Variants in ERBIN observed in about 807,000 individuals in gnomAD.
ERBIN encodes erbb2 interacting protein, also known as densin-180-like protein.
Under a neutral mutation model 158.4 loss-of-function variants are expected in ERBIN, and 60 were observed. The observed-to-expected ratio is 0.38, with a 90% CI of 0.31 to 0.47. The LOEUF is 0.47. Among genes scored for constraint, ERBIN ranks in the 20% least tolerant of loss-of-function variants. The probability of loss-of-function intolerance (pLI) is 0.99; values close to 1 mark genes in which losing one functional copy is unlikely to be tolerated. For missense variants in ERBIN, 1,610 were observed against 1,648.0 expected (o/e 0.98, Z 0.40); for synonymous variants, 594 against 557.2 (o/e 1.07, Z -0.93).
At position 66,070,684 on chromosome 5, in the gene ERBIN, A is replaced by G. The variant is rs1365001225; in HGVS notation, c.3634-1485A>G. ...TTATGTATTCTAAAAGCACATCTCA[A>G]AAAGGGAGAAGGAAAATAAAGTATT... On this transcript the variant is annotated intron_variant, in intron 21 of 25. Transcript: ENST00000284037. Among the ~76,000 whole-genome samples the G allele has an allele frequency of 5.9e-5, 9 of 152,330 alleles. No individual in the cohort carries two copies. The South Asian group carries it at 6.2e-4, about 11-fold the overall frequency.
intron 4 of ERBIN, among the ~76,000 whole-genome samples, chr5:66,004,716 T>G (rs1409900129): frequency 6.6e-6 from 1 of 152,336 alleles, no homozygotes; most frequent in East Asian, 1.9e-4. Context: ...GTGTACTTTA[T>G]CTGTAAGGAT....
chr5:66,001,020 A>G (rs969811309), intron 4 of ERBIN, among the ~76,000 whole-genome samples: 2 of 152,174 alleles, frequency 1.3e-5, no homozygotes, highest in African/African-American at 2.4e-5. Context: ...AAAAAAATTA[A>G]TAAAGCACAC....
chr5:66,046,083 T>G (rs1390726080), intron 17 of ERBIN, among the ~76,000 whole-genome samples: 1 of 150,074 alleles, frequency 6.7e-6, no homozygotes, highest in Non-Finnish European at 1.5e-5. Context: ...GACTCAGTTG[T>G]CCACACTTAC....
intron 1 of ERBIN, among the ~76,000 whole-genome samples, chr5:65,938,452 C>T (rs1417026773): frequency 6.6e-6 from 1 of 150,864 alleles, no homozygotes; most frequent in East Asian, 1.9e-4. Flanking sequence ...CTCACTGCAG[C>T]CTTGACCTCC....
At chr5:65,974,154 A>G (rs1427868076) in intron 1 of ERBIN, among the ~76,000 whole-genome samples, 1 of 151,598 alleles carries the variant, frequency 6.6e-6, no homozygotes, top group Non-Finnish European at 1.5e-5. Flanking sequence ...TGGGCCATGG[A>G]GTTTTATTGC....
chr5:66,051,972 A>C (rs929065799), intron 20 of ERBIN, among the ~76,000 whole-genome samples: 1 of 151,616 alleles, frequency 6.6e-6, no homozygotes, highest in African/African-American at 2.4e-5. Flanking sequence ...TGGGAGGCTA[A>C]GATGATAGAT....
In ERBIN at chr5:66,075,116, G is replaced by T; in HGVS notation, c.3849G>T (p.Arg1283Ser). Residue 1283 changes from arginine (R) to serine (S), a missense_variant, in exon 23 of 26, where the codon AGG becomes AGT. Coordinates refer to ENST00000284037, the MANE Select transcript of ERBIN (RefSeq NM_001253697.2). ...IHHPPQASVARHPSREQLIDY... is the reference protein window; with the variant it reads ...IHHPPQASVASHPSREQLIDY... ...ACCCCCCTCAGGCATCTGTGGCAAG[G>T]CATCCCTCTAGAGAACAACTAATTG... 1 of 1,614,106 alleles carries T rather than the reference G, an allele frequency of 6.2e-7. No individual in the cohort carries two copies. Among genetic ancestry groups the T allele is most frequent in the Non-Finnish European group, 8.5e-7 (1 of 1,180,016 alleles).
intron 1 of ERBIN, among the ~76,000 whole-genome samples, chr5:65,932,196 C>T (rs1034523031): frequency 2.0e-5 from 3 of 151,112 alleles, no homozygotes; most frequent in Admixed American, 1.3e-4. Flanking sequence ...AAAATTAGCT[C>T]GGTGTGGTCA....
chr5:66,051,145 A>T (rs2151228647), intron 20 of ERBIN, among the ~76,000 whole-genome samples, 179 bp downstream of exon 20: 1 of 152,198 alleles, frequency 6.6e-6, no homozygotes, highest in South Asian at 2.1e-4. Context: ...TTCCATCTTA[A>T]ATTAGATTTT....
intron 1 of ERBIN, among the ~76,000 whole-genome samples, chr5:65,942,217 A>C (rs1293134261): frequency 1.3e-5 from 2 of 152,200 alleles, no homozygotes; most frequent in African/African-American, 4.8e-5. Context: ...TGGAGAAGTG[A>C]AATGTGGAGG....
intron 4 of ERBIN, among the ~76,000 whole-genome samples, chr5:66,006,639 A>C (rs1011590802): frequency 6.6e-6 from 1 of 152,168 alleles, no homozygotes. Context: ...TTTGCAATCT[A>C]CTTATCTGAC....
At position 66,065,647 on chromosome 5, in the gene ERBIN, GTGTGTGTGTGTGTT is replaced by G. The variant is rs1222751520; in HGVS notation, c.3634-6520_3634-6507del. ...TGTGTGTGTGTGTGTGTGTGTGTGT[GTGTGTGTGTGTGTT>G]TTGCTTTGTATGTGAACCAGCATCC... is the stretch of plus-strand genomic sequence containing the variant. On this transcript the variant is annotated intron_variant, in intron 21 of 25. Coordinates refer to ENST00000284037, the MANE Select transcript of ERBIN (RefSeq NM_001253697.2). 4.3e-5 allele frequency among the ~76,000 whole-genome samples: 4 copies of G among 93,052 alleles called. No homozygotes were observed. In the East Asian group the frequency reaches 1.1e-3, roughly 26 times the overall value. 61.0% of individuals were successfully genotyped at this position (93,052 alleles called of 152,430 possible). A position where few individuals can be genotyped will look rare whatever the true frequency, so the allele number is the denominator to read the frequency against.
intron 22 of ERBIN, among the ~76,000 whole-genome samples, chr5:66,074,579 G>A (rs886466567): frequency 1.2e-4 from 18 of 152,110 alleles, no homozygotes; most frequent in East Asian, 1.9e-4. Flanking sequence ...GAAGAAAAAC[G>A]TCAGCAAATG....
intron 1 of ERBIN, among the ~76,000 whole-genome samples, chr5:65,931,967 C>T (rs1344149762): frequency 1.3e-5 from 2 of 151,770 alleles, no homozygotes; most frequent in African/African-American, 2.4e-5. Context: ...TACAGGCATG[C>T]GCCACCATGT....
rs868645442 is a variant in ERBIN, at chr5:65,996,253, T to G, written c.307+1389T>G. Among the ~76,000 whole-genome samples, 5 of 148,750 alleles carry G rather than the reference T, an allele frequency of 3.4e-5. No individual in the cohort carries two copies. The South Asian group carries it at 6.3e-4, about 19-fold the overall frequency. Reference sequence around the variant, plus strand: ...TTTTTTTTTCCTAGTAGTTTTTTTTTTTTTTTTTTTTTAACAGTTTTGGGT... The same window carrying G: ...TTTTTTTTTCCTAGTAGTTTTTTTTGTTTTTTTTTTTTAACAGTTTTGGGT... On this transcript the variant is annotated intron_variant, in intron 4 of 25. Coordinates refer to ENST00000284037, the MANE Select transcript of ERBIN (RefSeq NM_001253697.2).
Position 66,079,342 on chromosome 5 carries a change from A to G in ERBIN, c.*812A>G, listed in dbSNP as rs1438206311. 1.3e-5 allele frequency: 2 copies of G among 149,274 alleles called. No homozygotes were observed. Among genetic ancestry groups the G allele is most frequent in the Admixed American group, 1.3e-4 (2 of 14,988 alleles). The allele number at this position is 149,274 out of a possible 1,614,324, so 9.2% of individuals were successfully genotyped here. A position where few individuals can be genotyped will look rare whatever the true frequency, so the allele number is the denominator to read the frequency against. ...TTAACTCTACTGTAGATGCATGTCC[A>G]TGCATTTTCTGTGTTATGGAAATCC... On this transcript the variant is annotated 3_prime_UTR_variant, in exon 26 of 26. Coordinates refer to ENST00000284037, the MANE Select transcript of ERBIN (RefSeq NM_001253697.2).
In ERBIN at chr5:65,976,718, C is replaced by CTTA. The variant is rs534228243; in HGVS notation, c.-57-11916_-57-11914dup. Among the ~76,000 whole-genome samples the CTTA allele has an allele frequency of 6.2e-3, 944 of 151,730 alleles. 15 individuals carry two copies. The highest frequency in any genetic ancestry group is 0.022 in the African/African-American group (906 of 41,280). ...TTGAGATTAGGGAGTGGTGATGACTCTTACGGAGCATGCTGCCTTCAAGCA... is the reference window on the plus strand; with the variant it reads ...TTGAGATTAGGGAGTGGTGATGACTCTTATTACGGAGCATGCTGCCTTCAAGCA... On this transcript the variant is annotated intron_variant, in intron 1 of 25. Transcript: ENST00000284037.
At chr5:65,959,639 G>T (rs1047998381) in intron 1 of ERBIN, among the ~76,000 whole-genome samples, 1 of 152,122 alleles carries the variant, frequency 6.6e-6, no homozygotes, top group Non-Finnish European at 1.5e-5. Flanking sequence ...TTATTTTTCT[G>T]ATGACAGGTT....
At chr5:65,948,786 C>CT (rs1746136408) in intron 1 of ERBIN, among the ~76,000 whole-genome samples, 2 of 63,988 alleles carry the variant, frequency 3.1e-5, no homozygotes. Flanking sequence ...TTTTTTGAGA[C>CT]AGAGTCTCCC....
Sources: allele counts gnomAD v4.1 joint callset (sites outside exome capture counted in the v4.1 genomes callset), GRCh38; gene constraint gnomAD v4.1.1; transcripts MANE v1.5; gene names NCBI Gene and HGNC (gene_info 2026-07-23, HGNC 2026-07-21).